The following ANK3 variants were observed in gnomAD, a reference collection of about 807,000 sequenced individuals.
ANK3 encodes ankyrin-3.
ANK3 carries 57 observed loss-of-function variants against 370.9 expected under a neutral mutation model. That is an observed-to-expected ratio of 0.15 (90% CI 0.12 to 0.19). The LOEUF (loss-of-function observed/expected upper bound fraction) is 0.19. ANK3 is among the 10% of genes least tolerant of loss of function. The probability of loss-of-function intolerance (pLI) is 1.00; values close to 1 mark genes in which losing one functional copy is unlikely to be tolerated. For missense variants in ANK3, 4,439 were observed against 5,302.1 expected, an observed-to-expected ratio of 0.84 and a Z score of 5.06; for synonymous variants, 1,929 against 1,946.3, an observed-to-expected ratio of 0.99 and a Z score of 0.23.
chr10:60,706,585 C>T (rs2079622077), intron 1 of ANK3, among the ~76,000 whole-genome samples: 1 of 152,054 alleles, frequency 6.6e-6, no homozygotes, highest in African/African-American at 2.4e-5. Flanking sequence ...CCAAAATAAA[C>T]CTGTCTTTGA....
At chr10:60,165,854 G>A (rs944819908) in intron 23 of ANK3, among the ~76,000 whole-genome samples, 3 of 151,974 alleles carry the variant, frequency 2.0e-5, no homozygotes, top group African/African-American at 7.3e-5. Flanking sequence ...ATTTTCCCAT[G>A]GTAAATATTT....
At chr10:60,097,875 G>T (rs1006759178) in intron 28 of ANK3, among the ~76,000 whole-genome samples, 7 of 152,148 alleles carry the variant, frequency 4.6e-5, no homozygotes, top group Non-Finnish European at 7.4e-5. Context: ...GTGTATCAGG[G>T]TTAATTTCTA....
intron 2 of ANK3, among the ~76,000 whole-genome samples, chr10:60,421,980 AAATTTTAC>A (rs2063787987): frequency 1.3e-5 from 2 of 152,092 alleles, no homozygotes; most frequent in African/African-American, 2.4e-5. Flanking sequence ...AAGGGTATAA[AAATTTTAC>A]ATTTTTATAA....
intron 1 of ANK3, among the ~76,000 whole-genome samples, chr10:60,366,851 AT>A (rs1046907628): frequency 6.6e-6 from 1 of 152,186 alleles, no homozygotes; most frequent in East Asian, 1.9e-4. Context: ...CAGAACTCTT[AT>A]TTTTTCGGTT....
At position 60,614,212 on chromosome 10, in the gene ANK3, A is replaced by C. The variant is rs1354792279; in HGVS notation, c.96+974T>G. On this transcript the variant is annotated intron_variant, in intron 2 of 43. Coordinates refer to the ANK3 transcript ENST00000373827. Reference sequence around the variant, plus strand: ...TTAATCATATGAAATAGCTGGTGTTAGACTATTTTTTACTTACCAAAATGG... The same window carrying C: ...TTAATCATATGAAATAGCTGGTGTTCGACTATTTTTTACTTACCAAAATGG... 2.0e-5 allele frequency among the ~76,000 whole-genome samples: 3 copies of C among 152,218 alleles called. No individual in the cohort carries two copies. The East Asian group carries it at 5.8e-4, about 29-fold the overall frequency.
At chr10:60,226,523 CTATAGTATATATACATAGTAT>C (rs2097155852) in intron 8 of ANK3, among the ~76,000 whole-genome samples, 2 of 53,930 alleles carry the variant, frequency 3.7e-5, no homozygotes, top group Non-Finnish European at 5.9e-5. Flanking sequence ...AGTATATATA[CTATAGTATATATACATAGTAT>C]ATATACTATA....
chr10:60,166,415 CTT>C (rs1300016651), intron 23 of ANK3, among the ~76,000 whole-genome samples, 174 bp downstream of exon 23: 1 of 151,922 alleles, frequency 6.6e-6, no homozygotes, highest in Non-Finnish European at 1.5e-5. Flanking sequence ...TTCAAAGAGA[CTT>C]AAAAAGGAGA....
chr10:60,505,258 G>A (rs1455107372), intron 2 of ANK3, among the ~76,000 whole-genome samples: 1 of 151,864 alleles, frequency 6.6e-6, no homozygotes, highest in East Asian at 1.9e-4. Flanking sequence ...ATTATACATA[G>A]TGTTAATCAA....
At chr10:60,178,521 G>A (rs1198054994) in intron 18 of ANK3, among the ~76,000 whole-genome samples, 2 of 152,050 alleles carry the variant, frequency 1.3e-5, no homozygotes, top group Non-Finnish European at 2.9e-5. Context: ...GTAATACATT[G>A]TTTTATTTTA....
upstream of ANK3, among the ~76,000 whole-genome samples, chr10:60,394,688 T>C (rs72806139): frequency 5.2e-3 from 786 of 152,306 alleles, 4 homozygotes; most frequent in South Asian, 0.011. Flanking sequence ...TGGTGTCTGT[T>C]TAACCCAAAG....
chr10:60,156,710 C>A (rs2095339974), intron 23 of ANK3, among the ~76,000 whole-genome samples: 1 of 152,184 alleles, frequency 6.6e-6, no homozygotes, highest in Admixed American at 6.5e-5. Flanking sequence ...AGAGTTGCAG[C>A]ATTCCGGGGC....
intron 25 of ANK3, among the ~76,000 whole-genome samples, chr10:60,123,983 A>G (rs983486777): frequency 6.6e-6 from 1 of 150,922 alleles, no homozygotes; most frequent in Non-Finnish European, 1.5e-5. Context: ...GTGACTGGCA[A>G]GTCAAAAAAC....
chr10:60,515,815 A>G (rs2076204233), intron 2 of ANK3, among the ~76,000 whole-genome samples: 1 of 152,188 alleles, frequency 6.6e-6, no homozygotes, highest in Non-Finnish European at 1.5e-5. Context: ...ACAAACATTA[A>G]AAGCTAAAAT....
Position 60,202,476 on chromosome 10 carries a change from T to A in ANK3, c.1392+526A>T, listed in dbSNP as rs1036539659. On this transcript the variant is annotated intron_variant, in intron 12 of 43. Transcript: ENST00000280772. ...AGTAGTAATGCACCTGTAAGGTTAA[T>A]GAACGTAGTTCGTAAGTCCTAACAA... is the stretch of plus-strand genomic sequence containing the variant. 3.3e-5 allele frequency among the ~76,000 whole-genome samples: 5 copies of A among 152,254 alleles called. No homozygotes were observed. The East Asian group carries it at 9.6e-4, about 29-fold the overall frequency.
At chr10:60,408,828 T>TC (rs1311310382) in intron 2 of ANK3, among the ~76,000 whole-genome samples, 1 of 151,710 alleles carries the variant, frequency 6.6e-6, no homozygotes, top group Non-Finnish European at 1.5e-5. Flanking sequence ...TTCCTCTTCT[T>TC]CCCCCCTCCC....
chr10:60,362,638 CAAGGATGGAATG>C (rs2058784681), intron 1 of ANK3, among the ~76,000 whole-genome samples: 1 of 152,162 alleles, frequency 6.6e-6, no homozygotes, highest in Admixed American at 6.5e-5. Flanking sequence ...TGTCCAGGGA[CAAGGATGGAATG>C]TCAGGTGGAA....
intron 2 of ANK3, among the ~76,000 whole-genome samples, chr10:60,497,682 A>G (rs2075694274): frequency 1.3e-5 from 2 of 152,218 alleles, no homozygotes; most frequent in Admixed American, 1.3e-4. Flanking sequence ...TTTACAGACT[A>G]AAAATGTTCA....
chr10:60,053,818 A>C, intron 42 of ANK3: 1 of 1,032,090 alleles, frequency 9.7e-7, no homozygotes, highest in Non-Finnish European at 1.3e-6. Flanking sequence ...GTATAGCCAC[A>C]AACGATACAT....
intron 4 of ANK3, among the ~76,000 whole-genome samples, chr10:60,277,403 G>A (rs958832846): frequency 6.6e-6 from 1 of 152,160 alleles, no homozygotes; most frequent in Non-Finnish European, 1.5e-5. Context: ...TTAATAAAAT[G>A]TAAGTTATAA....
Sources: allele counts gnomAD v4.1 joint callset (sites outside exome capture counted in the v4.1 genomes callset), GRCh38; gene constraint gnomAD v4.1.1; transcripts MANE v1.5; gene names NCBI Gene and HGNC (gene_info 2026-07-23, HGNC 2026-07-21).